CDH4: variants seen among roughly 807,000 people sequenced by gnomAD.
CDH4 encodes cadherin 4.
Under a neutral mutation model 86.0 loss-of-function variants are expected in CDH4, and 33 were observed. That is an observed-to-expected ratio of 0.38 (90% CI 0.29 to 0.51). CDH4 has a LOEUF of 0.51. CDH4 is among the 20% of genes least tolerant of loss of function. The pLI, the probability that CDH4 is intolerant of heterozygous loss-of-function variation, is 0.86. For missense variants in CDH4, 1,114 were observed against 1,307.4 expected, an observed-to-expected ratio of 0.85 and a Z score of 2.28; for synonymous variants, 555 against 549.4, an observed-to-expected ratio of 1.01 and a Z score of -0.14.
chr20:61,846,046 C>T (rs186727145), intron 5 of CDH4, among the ~76,000 whole-genome samples: 13 of 152,334 alleles, frequency 8.5e-5, no homozygotes, highest in Admixed American at 7.2e-4. Context: ...AGGGCGTTGA[C>T]GGGAGAAGAT....
chr20:61,799,900 G>A (rs1979740730), intron 4 of CDH4, among the ~76,000 whole-genome samples: 1 of 152,162 alleles, frequency 6.6e-6, no homozygotes, highest in Non-Finnish European at 1.5e-5. Context: ...TGGGGCCTCT[G>A]CAGTGGCTCT....
At chr20:61,717,588 A>C (rs573125133) in intron 2 of CDH4, 2 of 152,358 alleles carry the variant, frequency 1.3e-5, no homozygotes, top group East Asian at 1.9e-4. Context: ...CCTGGGTTCA[A>C]GTGATTCTCC....
intron 2 of CDH4, among the ~76,000 whole-genome samples, chr20:61,398,507 T>TGGGCAGGAGGAGACCAGGGAGAGC (rs2085031410): frequency 6.6e-6 from 1 of 152,146 alleles, no homozygotes; most frequent in South Asian, 2.1e-4. Flanking sequence ...AGCAGGCTGA[T>TGGGCAGGAGGAGACCAGGGAGAGC]GGGTAGGAGG....
chr20:61,755,271 CCA>C (rs571056841), intron 3 of CDH4, among the ~76,000 whole-genome samples: 57 of 148,444 alleles, frequency 3.8e-4, no homozygotes, highest in East Asian at 2.0e-4. Flanking sequence ...CATATCAATA[CCA>C]CACACACACA....
In CDH4 at chr20:61,849,406, C is replaced by T. The variant is rs149084258; in HGVS notation, c.733-3348C>T. On this transcript the variant is annotated intron_variant, in intron 5 of 15. Transcript: ENST00000614565. ...AGCACAAACTTAGTGGCTGAAACAA[C>T]GCCCTATGAGTTCACCGTGCTGTAG... Among the ~76,000 whole-genome samples, 44 of 152,328 alleles carry T rather than the reference C, an allele frequency of 2.9e-4. No homozygotes were observed. The East Asian group carries it at 7.7e-3, about 27-fold the overall frequency.
intron 2 of CDH4, among the ~76,000 whole-genome samples, chr20:61,674,162 G>C (rs1336279882): frequency 6.6e-6 from 1 of 152,066 alleles, no homozygotes; most frequent in Non-Finnish European, 1.5e-5. Context: ...GCCAGGCACC[G>C]AGCCCAGCAC....
chr20:61,678,313 G>A (rs928226825), intron 2 of CDH4, among the ~76,000 whole-genome samples: 35 of 151,412 alleles, frequency 2.3e-4, no homozygotes, highest in African/African-American at 7.6e-4. Flanking sequence ...ATGGATGGAC[G>A]GATGGATGGA....
intron 4 of CDH4, among the ~76,000 whole-genome samples, chr20:61,779,875 G>A (rs937293692): frequency 3.9e-5 from 6 of 152,258 alleles, no homozygotes; most frequent in Non-Finnish European, 7.3e-5. Flanking sequence ...CACGTGTGGC[G>A]GGGCCAGCTG....
chr20:61,451,196 T>C (rs960452646), intron 2 of CDH4, among the ~76,000 whole-genome samples: 2 of 150,386 alleles, frequency 1.3e-5, no homozygotes, highest in Non-Finnish European at 1.5e-5. Context: ...AACTCTATGA[T>C]AGAGAGCTGT....
chr20:61,651,037 G>A (rs6061694), intron 2 of CDH4, among the ~76,000 whole-genome samples: 50,976 of 151,932 alleles, frequency 0.34, 8,712 homozygotes, highest in East Asian at 0.56. Context: ...GTGCTTGGCC[G>A]TGCACTGGTG....
intron 9 of CDH4, among the ~76,000 whole-genome samples, chr20:61,913,530 T>C (rs558814131): frequency 7.9e-5 from 12 of 152,364 alleles, no homozygotes; most frequent in Admixed American, 7.8e-4. Flanking sequence ...AGCCCTCTTC[T>C]GTTCTTCAGA....
chr20:61,925,633 A>T (rs1600781731), intron 11 of CDH4, among the ~76,000 whole-genome samples: 1 of 152,220 alleles, frequency 6.6e-6, no homozygotes, highest in Admixed American at 6.5e-5. Flanking sequence ...TGACAGCCCG[A>T]GTGTGTCGGC....
rs1568688378 is a variant in CDH4 at position 61,565,204 on chromosome 20, C to CCTCTTGGTGATGGGGAGGTGGTGGTG, written c.170-178359_170-178358insCTCTTGGTGATGGGGAGGTGGTGGTG. ...TGGTGGTGGTCCTCTTGGTGGTGGT[C>CCTCTTGGTGATGGGGAGGTGGTGGTG]GCGGTGCTCTCGGTGGTAGGTGGTG... On this transcript the variant is annotated intron_variant, in intron 2 of 15. Coordinates refer to ENST00000614565, the MANE Select transcript of CDH4 (RefSeq NM_001794.5). Among the ~76,000 whole-genome samples, 5 of 50,300 alleles carry CCTCTTGGTGATGGGGAGGTGGTGGTG rather than the reference C, an allele frequency of 9.9e-5. 1 individual carries two copies. Among genetic ancestry groups the CCTCTTGGTGATGGGGAGGTGGTGGTG allele is most frequent in the African/African-American group, 6.4e-4 (5 of 7,828 alleles). 33.0% of individuals were successfully genotyped at this position (50,300 alleles called of 152,430 possible). A position where few individuals can be genotyped will look rare whatever the true frequency, so the allele number is the denominator to read the frequency against.
intron 2 of CDH4, among the ~76,000 whole-genome samples, chr20:61,542,198 A>AC (rs1232329720): frequency 6.6e-6 from 1 of 152,072 alleles, no homozygotes; most frequent in African/African-American, 2.4e-5. Context: ...ATTCAGCAAA[A>AC]CCCACCCCAT....
chr20:61,354,909 C>G (rs2084738930), intron 2 of CDH4, among the ~76,000 whole-genome samples: 1 of 152,210 alleles, frequency 6.6e-6, no homozygotes, highest in Non-Finnish European at 1.5e-5. Context: ...ACGCAGCTTA[C>G]TCCGCACCTA....
intron 2 of CDH4, among the ~76,000 whole-genome samples, chr20:61,294,326 G>A (rs2084340238): frequency 6.6e-6 from 1 of 152,186 alleles, no homozygotes; most frequent in Admixed American, 6.5e-5. Context: ...TGGGGCAACG[G>A]GGGTGAAGTC....
At chr20:61,391,366 G>C (rs900977485) in intron 2 of CDH4, among the ~76,000 whole-genome samples, 1 of 152,142 alleles carries the variant, frequency 6.6e-6, no homozygotes, top group Non-Finnish European at 1.5e-5. Context: ...GAGAAAGGTG[G>C]GGGGCAGCTG....
chr20:61,459,386 C>A (rs770956364), intron 2 of CDH4, among the ~76,000 whole-genome samples: 7 of 151,782 alleles, frequency 4.6e-5, no homozygotes, highest in African/African-American at 1.5e-4. Flanking sequence ...GGTGAGAGGA[C>A]CCCAACCCCG....
At chr20:61,565,354 GA>G in intron 2 of CDH4, among the ~76,000 whole-genome samples, 2 of 40,536 alleles carry the variant, frequency 4.9e-5, no homozygotes, top group African/African-American at 2.3e-4. Context: ...TCCTCTTGGT[GA>G]TGGGGTGATG....
Sources: gnomAD v4.1 joint callset for allele counts (sites outside exome capture counted in the v4.1 genomes callset) on GRCh38, gnomAD v4.1.1 for gene constraint, MANE v1.5 for transcripts, NCBI Gene and HGNC (gene_info 2026-07-23, HGNC 2026-07-21) for gene names.